Variants in CUEDC1 observed in about 807,000 individuals in gnomAD.
The protein encoded by CUEDC1 is CUE domain-containing protein 1.
A neutral mutation model predicts 43.7 loss-of-function variants in CUEDC1; 30 were observed. The ratio of observed to expected loss-of-function variants is 0.69; its 90% CI spans 0.51 to 0.93. The LOEUF (loss-of-function observed/expected upper bound fraction) is 0.93. Among genes scored for constraint, CUEDC1 ranks in the 40% least tolerant of loss-of-function variants. CUEDC1 has a pLI of 0.00. For missense variants in CUEDC1, 486 were observed against 549.0 expected, an observed-to-expected ratio of 0.89 and a Z score of 1.15; for synonymous variants, 223 against 223.6, an observed-to-expected ratio of 1.00 and a Z score of 0.02.
intron 1 of CUEDC1, among the ~76,000 whole-genome samples, chr17:57,909,896 A>G (rs892763003): frequency 6.6e-6 from 1 of 152,264 alleles, no homozygotes; most frequent in Non-Finnish European, 1.5e-5. Context: ...AGGTAAGTGC[A>G]TATCAAAGAG....
At chr17:57,874,570 C>T (rs1277719561) in intron 3 of CUEDC1, among the ~76,000 whole-genome samples, 1 of 152,184 alleles carries the variant, frequency 6.6e-6, no homozygotes, top group African/African-American at 2.4e-5. Flanking sequence ...GCCCTACCGC[C>T]CTGGGCCTGA....
chr17:57,948,643 A>G (rs901069628), intron 1 of CUEDC1, among the ~76,000 whole-genome samples: 1 of 152,182 alleles, frequency 6.6e-6, no homozygotes, highest in Non-Finnish European at 1.5e-5. Context: ...CTGTCTCCAG[A>G]TGAAACCTCT....
chr17:57,937,609 CAA>C (rs202052148), intron 1 of CUEDC1, among the ~76,000 whole-genome samples: 7 of 123,108 alleles, frequency 5.7e-5, no homozygotes, highest in African/African-American at 1.6e-4. Flanking sequence ...GACCCTGTCT[CAA>C]AAAAAAAAAA....
intron 2 of CUEDC1, 105 bp from the exon 3 acceptor site, chr17:57,879,843 C>G (rs2074180080): frequency 8.6e-7 from 1 of 1,156,518 alleles, no homozygotes; most frequent in South Asian, 1.4e-5. Flanking sequence ...TAAAGGAACT[C>G]TGTGTGTTGC....
intron 1 of CUEDC1, among the ~76,000 whole-genome samples, chr17:57,916,219 C>T (rs1456667749): frequency 2.0e-5 from 3 of 152,246 alleles, no homozygotes; most frequent in Non-Finnish European, 4.4e-5. Flanking sequence ...TGCAGAAGGC[C>T]GAGGGGGGCT....
intron 1 of CUEDC1, among the ~76,000 whole-genome samples, chr17:57,920,529 C>T (rs1203384438): frequency 6.6e-6 from 1 of 152,080 alleles, no homozygotes; most frequent in East Asian, 1.9e-4. Context: ...GGATCCACAT[C>T]AAACTGTCAT....
chr17:57,899,144 C>T (rs893494067), intron 1 of CUEDC1, among the ~76,000 whole-genome samples: 4 of 152,168 alleles, frequency 2.6e-5, no homozygotes, highest in South Asian at 2.1e-4. Context: ...GCTGGGAGGC[C>T]GCCCGCCTCA....
chr17:57,904,645 C>G (rs2074508943), intron 1 of CUEDC1, among the ~76,000 whole-genome samples: 1 of 152,184 alleles, frequency 6.6e-6, no homozygotes, highest in Non-Finnish European at 1.5e-5. Flanking sequence ...TCCCCTCCTG[C>G]ACTTCAGGAG....
chr17:57,874,643 C>T (rs1267637821), intron 3 of CUEDC1, among the ~76,000 whole-genome samples: 1 of 152,200 alleles, frequency 6.6e-6, no homozygotes, highest in African/African-American at 2.4e-5. Flanking sequence ...GCGTGGCAAC[C>T]GCAGGACACG....
intron 1 of CUEDC1, among the ~76,000 whole-genome samples, chr17:57,899,777 C>T (rs1486265748): frequency 6.6e-6 from 1 of 152,144 alleles, no homozygotes; most frequent in Non-Finnish European, 1.5e-5. Flanking sequence ...TGTACTACTC[C>T]CCTCTTCGCC....
At position 57,861,768 on chromosome 17, in the gene CUEDC1, G is replaced by C. The variant is rs2073876869; in HGVS notation, c.*1521C>G. The C allele has an allele frequency of 6.6e-6, 1 of 151,744 alleles. No individual in the cohort carries two copies. The highest frequency in any genetic ancestry group is 2.4e-5 in the African/African-American group (1 of 41,268). 9.4% of individuals were successfully genotyped at this position (151,744 alleles called of 1,614,324 possible). A position where few individuals can be genotyped will look rare whatever the true frequency, so the allele number is the denominator to read the frequency against. On this transcript the variant is annotated 3_prime_UTR_variant, in exon 11 of 11. Coordinates refer to ENST00000577830, the MANE Select transcript of CUEDC1 (RefSeq NM_001271875.2). ...CGGGGAAGGCTCAGAGACCCGTCGA[G>C]AACTCGAGCTGGGGTACCGAGGCAC... is the stretch of plus-strand genomic sequence containing the variant.
intron 4 of CUEDC1, among the ~76,000 whole-genome samples, chr17:57,873,327 C>T (rs892974167): frequency 6.6e-6 from 1 of 152,146 alleles, no homozygotes; most frequent in African/African-American, 2.4e-5. Flanking sequence ...ACCCCATGCC[C>T]GCCTCTCTCC....
At chr17:57,904,453 G>A in intron 1 of CUEDC1, among the ~76,000 whole-genome samples, 1 of 152,046 alleles carries the variant, frequency 6.6e-6, no homozygotes, top group East Asian at 1.9e-4. Context: ...GTCACCAGAG[G>A]AAAAAAGTCA....
At chr17:57,877,884 CAAAA>C (rs59469013) in intron 3 of CUEDC1, among the ~76,000 whole-genome samples, 1 of 89,568 alleles carries the variant, frequency 1.1e-5, no homozygotes, top group African/African-American at 4.1e-5. Flanking sequence ...GACTCCGACT[CAAAA>C]AAAAAAAAAA....
chr17:57,884,780 G>T (rs1034086502), intron 2 of CUEDC1, among the ~76,000 whole-genome samples: 14 of 152,314 alleles, frequency 9.2e-5, no homozygotes, highest in East Asian at 1.9e-4. Context: ...CACTCTGGCC[G>T]TCAGTACCCG....
intron 1 of CUEDC1, among the ~76,000 whole-genome samples, chr17:57,909,855 C>T (rs570966707): frequency 3.3e-5 from 5 of 152,302 alleles, no homozygotes; most frequent in Admixed American, 2.0e-4. Context: ...GCAGCTGAGG[C>T]GGGGTATGCA....
In CUEDC1 at chr17:57,871,762, A is replaced by G. The variant is rs191541516; in HGVS notation, c.785-393T>C. Among the ~76,000 whole-genome samples the G allele has an allele frequency of 8.1e-3, 1,233 of 152,294 alleles. 11 individuals carry two copies. Among genetic ancestry groups the G allele is most frequent in the Non-Finnish European group, 0.013 (912 of 68,026 alleles). On this transcript the variant is annotated intron_variant, in intron 5 of 10. Coordinates refer to ENST00000577830, the MANE Select transcript of CUEDC1 (RefSeq NM_001271875.2). ...AACATGGTGAAACCCCGTCTCTACT[A>G]AAAATACAAAAATCAGCCAGGTGCG...
At chr17:57,864,018 G>T (rs1185165995) in intron 10 of CUEDC1, among the ~76,000 whole-genome samples, 1 of 133,834 alleles carries the variant, frequency 7.5e-6, no homozygotes, top group Admixed American at 7.4e-5. Flanking sequence ...AAAAAAAAAA[G>T]AAAGAAAAGA....
Position 57,873,579 on chromosome 17 carries a change from G to C in CUEDC1, c.591+12C>G, listed in dbSNP as rs200706318. 1 of 1,539,538 alleles carries C rather than the reference G, an allele frequency of 6.5e-7. No homozygotes were observed. Among genetic ancestry groups the C allele is most frequent in the African/African-American group, 1.4e-5 (1 of 71,988 alleles). ...GCAGGTGGGAGTGGAAGGCGGGGGC[G>C]GCCCCTGTTACCTGTATGCTGTCCA... On this transcript the variant is annotated intron_variant, in intron 4 of 10. Coordinates refer to ENST00000577830, the MANE Select transcript of CUEDC1 (RefSeq NM_001271875.2).
Sources: gnomAD v4.1 joint callset for allele counts (sites outside exome capture counted in the v4.1 genomes callset) on GRCh38, gnomAD v4.1.1 for gene constraint, MANE v1.5 for transcripts, NCBI Gene and HGNC (gene_info 2026-07-23, HGNC 2026-07-21) for gene names.